STK38L: variants seen among roughly 807,000 people sequenced by gnomAD.
The protein encoded by STK38L is serine/threonine-protein kinase 38-like.
In STK38L, 28 loss-of-function variants were observed where a neutral mutation model predicts 59.7. That is an observed-to-expected ratio of 0.47 (90% CI 0.35 to 0.64). The LOEUF is 0.64. Among genes scored for constraint, STK38L ranks in the 30% least tolerant of loss-of-function variants. The probability of loss-of-function intolerance (pLI) is 0.01; values close to 1 mark genes in which losing one functional copy is unlikely to be tolerated. For synonymous variants in STK38L, 162 were observed against 176.8 expected (o/e 0.92, Z 0.66); for missense variants, 314 against 555.8 (o/e 0.56, Z 4.37).
At chr12:27,274,919 A>G (rs1380134309) in intron 1 of STK38L, among the ~76,000 whole-genome samples, 1 of 152,166 alleles carries the variant, frequency 6.6e-6, no homozygotes, top group Non-Finnish European at 1.5e-5. Context: ...CTGCTAGACC[A>G]TTTTAGTTAT....
At chr12:27,304,312 C>CA (rs2136642431) in intron 3 of STK38L, among the ~76,000 whole-genome samples, 1 of 146,652 alleles carries the variant, frequency 6.8e-6, no homozygotes, top group East Asian at 2.0e-4. Flanking sequence ...AGACCATCAT[C>CA]AAATGATTAA....
intron 1 of STK38L, among the ~76,000 whole-genome samples, chr12:27,282,468 A>G (rs10771332): frequency 0.78 from 118,737 of 152,112 alleles, 46,587 homozygotes; most frequent in Non-Finnish European, 0.83. Context: ...AAATAGTTAC[A>G]TAAAATATAT....
At chr12:27,321,094 G>T (rs1224995275) in intron 12 of STK38L, among the ~76,000 whole-genome samples, 1 of 152,126 alleles carries the variant, frequency 6.6e-6, no homozygotes, top group Non-Finnish European at 1.5e-5. Flanking sequence ...AACAAGGAAG[G>T]TTAGCTCTCA....
In STK38L at chr12:27,298,703, G is replaced by T. The variant is rs78399112; in HGVS notation, c.134+849G>T. Among the ~76,000 whole-genome samples, 230 of 152,254 alleles carry T rather than the reference G, an allele frequency of 1.5e-3. 3 individuals are homozygous for T. In the East Asian group the frequency reaches 0.03, roughly 20 times the overall value. On this transcript the variant is annotated intron_variant, in intron 2 of 13. Coordinates refer to ENST00000389032, the MANE Select transcript of STK38L (RefSeq NM_015000.4). ...ATTTAAACAGGGCTCTAAAGGAGAA[G>T]AACTATTTATACATGCATAAAAGGA...
chr12:27,298,872 C>G (rs1531410), intron 2 of STK38L, among the ~76,000 whole-genome samples: 23,881 of 152,154 alleles, frequency 0.16, 2,083 homozygotes, highest in East Asian at 0.31. Context: ...TAATGTAGCT[C>G]TTTTCATGGT....
chr12:27,320,780 A>AT (rs71437393), intron 12 of STK38L, among the ~76,000 whole-genome samples: 11,852 of 130,026 alleles, frequency 0.091, 807 homozygotes, highest in East Asian at 0.34. Context: ...GCAGCTAGTA[A>AT]TTTTTTTTTT....
At chr12:27,305,645 A>C (rs1309281410) in intron 3 of STK38L, among the ~76,000 whole-genome samples, 3 of 152,190 alleles carry the variant, frequency 2.0e-5, no homozygotes, top group Non-Finnish European at 4.4e-5. Context: ...TTTTGTATGC[A>C]CTGTCTGTCT....
intron 11 of STK38L, among the ~76,000 whole-genome samples, chr12:27,318,453 T>C (rs1591946040): frequency 6.6e-6 from 1 of 152,206 alleles, no homozygotes; most frequent in East Asian, 1.9e-4. Context: ...GGACAACTTG[T>C]GGGAATAGCC....
intron 2 of STK38L, chr12:27,298,547 TTTAGAAA>T (rs1944086877): frequency 6.6e-6 from 1 of 152,186 alleles, no homozygotes; most frequent in South Asian, 2.1e-4. Context: ...TTATTTTGAC[TTTAGAAA>T]ACTTATACTA....
chr12:27,315,006 T>G lies in STK38L; in HGVS notation c.673-9T>G, dbSNP rs186101617. The G allele has an allele frequency of 6.3e-7, 1 of 1,592,032 alleles. No homozygotes were observed. Among genetic ancestry groups the G allele is most frequent in the Non-Finnish European group, 8.5e-7 (1 of 1,169,670 alleles). ...TAATATGATCTAATTTTACTGGATT[T>G]TTTTTTAGGGTCATGTAAAATTATC... On this transcript the variant is annotated splice_polypyrimidine_tract_variant and intron_variant, in intron 7 of 13. Transcript: ENST00000389032.
chr12:27,268,732 C>T (rs905207180), intron 1 of STK38L, among the ~76,000 whole-genome samples: 1 of 152,168 alleles, frequency 6.6e-6, no homozygotes, highest in Non-Finnish European at 1.5e-5. Context: ...TACAGTCCCA[C>T]CAACAGTGTA....
intron 1 of STK38L, among the ~76,000 whole-genome samples, chr12:27,277,441 G>A (rs1184188265): frequency 1.3e-5 from 2 of 151,430 alleles, no homozygotes; most frequent in Non-Finnish European, 2.9e-5. Flanking sequence ...AGGACTCGAA[G>A]GAACCTCAAA....
intron 5 of STK38L, among the ~76,000 whole-genome samples, chr12:27,311,447 C>G (rs1215621933): frequency 6.6e-6 from 1 of 152,076 alleles, no homozygotes; most frequent in Non-Finnish European, 1.5e-5. Flanking sequence ...TGCTTTGGAC[C>G]AGAGTTTTTA....
chr12:27,272,732 T>TATATAAAGTA (rs1943451026), intron 1 of STK38L, among the ~76,000 whole-genome samples: 1 of 151,972 alleles, frequency 6.6e-6, no homozygotes, highest in East Asian at 2.0e-4. Context: ...GTTTTTAATG[T>TATATAAAGTA]TTCTTTCAAA....
At chr12:27,263,586 T>C (rs527404829) in intron 1 of STK38L, among the ~76,000 whole-genome samples, 130 of 152,220 alleles carry the variant, frequency 8.5e-4, no homozygotes, top group Non-Finnish European at 1.6e-3. Flanking sequence ...CATAATGTGC[T>C]TAAAGAGTCC....
chr12:27,301,240 G>A (rs1348042376), intron 2 of STK38L, among the ~76,000 whole-genome samples: 3 of 152,110 alleles, frequency 2.0e-5, no homozygotes, highest in Non-Finnish European at 2.9e-5. Flanking sequence ...AAATGTTCTG[G>A]TAGCTAGTGG....
intron 12 of STK38L, among the ~76,000 whole-genome samples, chr12:27,321,554 A>G (rs1262271424): frequency 2.0e-5 from 3 of 152,210 alleles, no homozygotes; most frequent in African/African-American, 4.8e-5. Flanking sequence ...ACTTTATACA[A>G]TTATACAATC....
chr12:27,268,153 C>T (rs984225654), intron 1 of STK38L, among the ~76,000 whole-genome samples: 6 of 151,540 alleles, frequency 4.0e-5, no homozygotes, highest in South Asian at 2.1e-4. Context: ...TTTTAGGGTA[C>T]GTGTGCACAA....
chr12:27,278,836 G>T (rs1193988449), intron 1 of STK38L, among the ~76,000 whole-genome samples: 1 of 152,180 alleles, frequency 6.6e-6, no homozygotes, highest in Non-Finnish European at 1.5e-5. Flanking sequence ...ATCAGCTGAG[G>T]CTGGATAGTT....
Sources: allele counts gnomAD v4.1 joint callset (sites outside exome capture counted in the v4.1 genomes callset), GRCh38; gene constraint gnomAD v4.1.1; transcripts MANE v1.5; gene names NCBI Gene and HGNC (gene_info 2026-07-23, HGNC 2026-07-21).